Variants in FASN observed in about 807,000 individuals in gnomAD.
The protein encoded by FASN is 3-hydroxyacyl-[acyl-carrier-protein] dehydratase.
Under a neutral mutation model 250.0 loss-of-function variants are expected in FASN, and 50 were observed. The ratio of observed to expected loss-of-function variants is 0.20; its 90% confidence interval spans 0.16 to 0.25. The LOEUF (loss-of-function observed/expected upper bound fraction) is 0.25, where lower values mean the gene tolerates loss of function less well. Ranked by LOEUF, FASN falls within the 10% of genes least tolerant of loss-of-function variation. FASN has a pLI of 1.00. For synonymous variants in FASN, 1,909 were observed against 1,584.0 expected (o/e 1.21, Z -4.87); for missense variants, 3,031 against 3,498.5 (o/e 0.87, Z 3.37).
At position 82,090,544 on chromosome 17, in the gene FASN, C is replaced by G. The variant is rs547573052; in HGVS notation, c.1701G>C (p.Leu567=). 6.2e-7 allele frequency: 1 copy of G among 1,611,880 alleles called. No individual in the cohort carries two copies. The highest frequency in any genetic ancestry group is 1.3e-5 in the African/African-American group (1 of 75,016). ...TAIQIGLIDL[L]SCMGLRPDGI... Reference sequence around the variant, plus strand: ...CATCTGGCCTCAGCCCCATGCAGCTCAGCAGGTCTATGAGGCCTATCTGGG... The same window carrying G: ...CATCTGGCCTCAGCCCCATGCAGCTGAGCAGGTCTATGAGGCCTATCTGGG... The change falls in exon 11 of 43, where the codon CTG becomes CTC. Residue 567 remains leucine, a synonymous_variant. Coordinates refer to ENST00000306749, the MANE Select transcript of FASN (RefSeq NM_004104.5).
rs746077716 is a variant in FASN, at chr17:82,086,503, C to A, written c.3483G>T (p.Val1161=). 1.9e-6 allele frequency: 3 copies of A among 1,612,386 alleles called. No individual in the cohort carries two copies. The highest frequency in any genetic ancestry group is 2.5e-6 in the Non-Finnish European group (3 of 1,179,998). The change falls in exon 22 of 43, where the codon GTG becomes GTT. Residue 1161 remains valine, a synonymous_variant. Coordinates refer to ENST00000306749, the MANE Select transcript of FASN (RefSeq NM_004104.5). ...KVTQQGLKMV[V]PGLDGAQIPR... ...GGATCTGGGCCCCATCCAGTCCGGG[C>A]ACCACCATCTTCAGCCCCTGCTGGG...
chr17:82,081,375 G>A (rs1171009994), intron 37 of FASN, 23 bp from the exon 38 acceptor site: 1 of 1,559,266 alleles, frequency 6.4e-7, no homozygotes. Context: ...CGCCGGGTCG[G>A]CAACTCCAGA....
chr17:82,079,130 C>A lies in FASN; in HGVS notation c.*13G>T. On this transcript the variant is annotated 3_prime_UTR_variant, in exon 43 of 43. Coordinates refer to ENST00000306749, the MANE Select transcript of FASN (RefSeq NM_004104.5). Reference sequence around the variant, plus strand: ...TGGTGGAGTGACCTCCGGTGGCAGGCGGGGGCACGGGCCTAGCCCTCCCGC... The same window carrying A: ...TGGTGGAGTGACCTCCGGTGGCAGGAGGGGGCACGGGCCTAGCCCTCCCGC... 8.7e-6 allele frequency: 14 copies of A among 1,607,956 alleles called. No individual in the cohort carries two copies. Among genetic ancestry groups the A allele is most frequent in the South Asian group, 3.3e-5 (3 of 90,982 alleles).
chr17:82,092,189 C>T (rs982445154), intron 8 of FASN, among the ~76,000 whole-genome samples: 1 of 152,216 alleles, frequency 6.6e-6, no homozygotes, highest in African/African-American at 2.4e-5. Context: ...ACCCAAGCGG[C>T]TCCTCCAGCT....
chr17:82,096,177 T>A, intron 2 of FASN, 142 bp downstream of exon 2: 1 of 1,342,590 alleles, frequency 7.4e-7, no homozygotes, highest in Non-Finnish European at 1.1e-6. Flanking sequence ...CGCCCATGGG[T>A]GACCAGTGGC....
chr17:82,083,311 C>T lies in FASN; in HGVS notation c.5456G>A (p.Arg1819Gln), dbSNP rs200377258. The T allele has an allele frequency of 1.6e-4, 262 of 1,612,590 alleles. No individual in the cohort carries two copies. The highest frequency in any genetic ancestry group is 2.0e-4 in the Non-Finnish European group (238 of 1,179,994). Residue 1819 changes from arginine to glutamine, a missense_variant, in exon 32 of 43, where the codon CGG (arginine) becomes CAG (glutamine). Coordinates refer to ENST00000306749, the MANE Select transcript of FASN (RefSeq NM_004104.5). ...EVWALVQAGI[R>Q]DGVVRPLKCT... ...CTTGAGGGGCCGTACCACCCCATCC[C>T]GGATGCCGGCCTGCACAAGCGCCCA...
rs1254965807 is a variant in FASN at position 82,086,449 on chromosome 17, G to A, written c.3537C>T (p.Pro1179=). 5 of 1,612,254 alleles carry A rather than the reference G, an allele frequency of 3.1e-6. No homozygotes were observed. The highest frequency in any genetic ancestry group is 1.7e-5 in the Admixed American group (1 of 60,024). Residue 1179 remains proline, a synonymous_variant, in exon 22 of 43, where the codon CCC becomes CCT. Coordinates refer to ENST00000306749, the MANE Select transcript of FASN (RefSeq NM_004104.5). Reference sequence around the variant, plus strand: ...GCCTGCAGGCAGCCGACAACAGCCGGGGCAGTTCCTGCTGTGAGGGGTCCC... The same window carrying A: ...GCCTGCAGGCAGCCGACAACAGCCGAGGCAGTTCCTGCTGTGAGGGGTCCC... ...IPRDPSQQEL[P]RLLSAACRLQ... is the part of the protein sequence containing the mutation.
Position 82,079,524 on chromosome 17 carries a change from G to C in FASN, c.7231C>G (p.Leu2411Val), listed in dbSNP as rs2033950390. Residue 2411 changes from leucine (L) to valine (V), a missense_variant, in exon 42 of 43, where the codon CTG becomes GTG. Leu to Val is a conservative substitution (Grantham distance 32). Transcript: ENST00000306749. ...GCAAAGCTCAGCTCCTGGCGGTCCAGGCCCTGGTGGCTCTTGATGATCAGG... is the reference window on the plus strand; with the variant it reads ...GCAAAGCTCAGCTCCTGGCGGTCCACGCCCTGGTGGCTCTTGATGATCAGG... ...VDLIIKSHQG[L>V]DRQELSFAAR... The C allele has an allele frequency of 6.2e-7, 1 of 1,611,256 alleles. No individual in the cohort carries two copies. The highest frequency in any genetic ancestry group is 8.5e-7 in the Non-Finnish European group (1 of 1,179,974).
At chr17:82,091,198 C>G in intron 9 of FASN, 24 bp downstream of exon 9, 1 of 1,601,488 alleles carries the variant, frequency 6.2e-7, no homozygotes, top group Non-Finnish European at 8.5e-7. Context: ...AAGGGACCAC[C>G]TTGGGGGCAG....
intron 21 of FASN, 28 bp from the exon 22 acceptor site, chr17:82,086,586 G>A: frequency 6.4e-7 from 1 of 1,566,350 alleles, no homozygotes. Context: ...CAGGCCTGGT[G>A]TTCCCAAAGC....
chr17:82,079,315 A>G (rs4075080), intron 42 of FASN, 35 bp from the exon 43 acceptor site: 343,868 of 1,612,348 alleles, frequency 0.21, 39,385 homozygotes, highest in Admixed American at 0.45. Context: ...GTCCCACCCC[A>G]CTCCTGTCCC....
Position 82,085,278 on chromosome 17 carries a change from G to T in FASN, c.4247C>A (p.Pro1416Gln), listed in dbSNP as rs779790320. 1 of 1,611,554 alleles carries T rather than the reference G, an allele frequency of 6.2e-7. No individual in the cohort carries two copies. Among genetic ancestry groups the T allele is most frequent in the African/African-American group, 1.3e-5 (1 of 75,038 alleles). Residue 1416 changes from proline (P) to glutamine (Q), a missense_variant, in exon 24 of 43, where the codon CCG becomes CAG. Pro to Gln is a moderately conservative substitution (Grantham distance 76). Transcript: ENST00000306749. ...CCAGCGGAAGCTGGTATCGTCCACCGGCAGGAAGATGGGGCTGTCCTGCGG... is the reference window on the plus strand; with the variant it reads ...CCAGCGGAAGCTGGTATCGTCCACCTGCAGGAAGATGGGGCTGTCCTGCGG... ...PTPQDSPIFL[P>Q]VDDTSFRWVE...
intron 23 of FASN, 30 bp downstream of exon 23, chr17:82,085,452 C>T (rs1303565996): frequency 3.1e-6 from 5 of 1,592,814 alleles, no homozygotes; most frequent in South Asian, 1.1e-5. Flanking sequence ...CACCCGGCCC[C>T]CACCCTGTCC....
chr17:82,093,104 G>A (rs974044644), intron 5 of FASN, 85 bp from the exon 6 acceptor site: 2 of 1,580,358 alleles, frequency 1.3e-6, no homozygotes, highest in South Asian at 2.3e-5. Flanking sequence ...TGTGGGGTGG[G>A]TGCTTGGGTG....
Position 82,088,959 on chromosome 17 carries a change from C to A in FASN, c.2304+10G>T. 2.5e-6 allele frequency: 4 copies of A among 1,608,632 alleles called. No homozygotes were observed. The highest frequency in any genetic ancestry group is 3.4e-6 in the Non-Finnish European group (4 of 1,178,192). On this transcript the variant is annotated intron_variant, in intron 14 of 42. Transcript: ENST00000306749. ...GCTCCCGGCGCCTGCTGCCCCCAGG[C>A]TGGGCCTACCTGCAGCAGGGCGTGG...
At chr17:82,087,911 C>A in intron 18 of FASN, 43 bp downstream of exon 18, 1 of 1,611,784 alleles carries the variant, frequency 6.2e-7, no homozygotes, top group Non-Finnish European at 8.5e-7. Flanking sequence ...GCATGGCCAG[C>A]GGGCACAGCC....
rs1449764023 is a variant in FASN at position 82,083,588 on chromosome 17, A to G, written c.5270T>C (p.Val1757Ala). The change falls in exon 31 of 43, where the codon GTG (valine) becomes GCG (alanine). Residue 1757 changes from valine (V) to alanine (A), a missense_variant. Physicochemically the swap from Val to Ala is moderately conservative, Grantham distance 64. Transcript: ENST00000306749. ...GCGACCGTGCGTAGCCAAGCACCTC[A>G]CGCTGGCCTGCAGCTTCTCTTCCGC... ...SLAEEKLQAS[V>A]RCLATHGRFL... The G allele has an allele frequency of 1.2e-6, 2 of 1,612,392 alleles. No homozygotes were observed. The highest frequency in any genetic ancestry group is 1.7e-6 in the Non-Finnish European group (2 of 1,179,870).
At position 82,084,952 on chromosome 17, in the gene FASN, A is replaced by T; in HGVS notation, c.4411T>A (p.Cys1471Ser). Reference protein sequence around the residue: ...RREPGGNRLRCVLLSNLSSTS... With the variant: ...RREPGGNRLRSVLLSNLSSTS... ...CTGCTGAGGTTGGAGAGCAGCACACACCTGGGGGCAGAGGCGGGGAGCTCA... is the reference window on the plus strand; with the variant it reads ...CTGCTGAGGTTGGAGAGCAGCACACTCCTGGGGGCAGAGGCGGGGAGCTCA... The change falls in exon 26 of 43, where the codon TGT (cysteine) becomes AGT (serine). Residue 1471 changes from cysteine to serine, a missense_variant and splice_region_variant. Physicochemically the swap from Cys to Ser is moderately radical, Grantham distance 112. Transcript: ENST00000306749. 1 of 1,560,090 alleles carries T rather than the reference A, an allele frequency of 6.4e-7. No homozygotes were observed. Among genetic ancestry groups the T allele is most frequent in the Non-Finnish European group, 8.7e-7 (1 of 1,152,536 alleles).
At chr17:82,089,579 T>C in intron 12 of FASN, 53 bp downstream of exon 12, 1 of 1,552,438 alleles carries the variant, frequency 6.4e-7, no homozygotes, top group Non-Finnish European at 8.7e-7. Context: ...CCTGCCAGAC[T>C]TGCAATGGCA....
Sources: allele counts gnomAD v4.1 joint callset (sites outside exome capture counted in the v4.1 genomes callset), GRCh38; gene constraint gnomAD v4.1.1; transcripts MANE v1.5; gene names NCBI Gene and HGNC (gene_info 2026-07-23, HGNC 2026-07-21).